SLC6A2: variants seen among roughly 807,000 people sequenced by gnomAD.
SLC6A2 encodes the protein solute carrier family 6 member 2.
Under a neutral mutation model 71.7 loss-of-function variants are expected in SLC6A2, and 26 were observed. The ratio of observed to expected loss-of-function variants is 0.36; its 90% CI spans 0.27 to 0.50. SLC6A2 has a LOEUF of 0.50. SLC6A2 is among the 20% of genes least tolerant of loss of function. SLC6A2 has a pLI of 0.96. For synonymous variants in SLC6A2, 363 were observed against 337.9 expected (o/e 1.07, Z -0.82); for missense variants, 581 against 803.9 (o/e 0.72, Z 3.35).
intron 4 of SLC6A2, among the ~76,000 whole-genome samples, chr16:55,675,468 T>C (rs902559723): frequency 3.9e-5 from 6 of 152,194 alleles, no homozygotes; most frequent in Non-Finnish European, 8.8e-5. Flanking sequence ...ATTTTACCTC[T>C]GGAAAGTAAA....
At chr16:55,675,952 T>A (rs559946251) in intron 4 of SLC6A2, among the ~76,000 whole-genome samples, 2 of 152,114 alleles carry the variant, frequency 1.3e-5, no homozygotes, top group South Asian at 4.2e-4. Flanking sequence ...GGGATTTAGT[T>A]TGGTTGAAAG....
At chr16:55,661,291 G>C (rs1964602669) in intron 2 of SLC6A2, among the ~76,000 whole-genome samples, 1 of 152,188 alleles carries the variant, frequency 6.6e-6, no homozygotes, top group Non-Finnish European at 1.5e-5. Flanking sequence ...GTGCATTGTA[G>C]AGAAATATAG....
intron 4 of SLC6A2, among the ~76,000 whole-genome samples, 168 bp from the exon 5 acceptor site, chr16:55,684,975 G>A (rs1965402004): frequency 6.6e-6 from 1 of 152,240 alleles, no homozygotes; most frequent in Non-Finnish European, 1.5e-5. Context: ...TGGCTGATCA[G>A]GTCAGGCCCA....
intron 4 of SLC6A2, among the ~76,000 whole-genome samples, chr16:55,682,553 G>T (rs1306645871): frequency 6.6e-6 from 1 of 152,196 alleles, no homozygotes; most frequent in African/African-American, 2.4e-5. Context: ...AGGTCTAACT[G>T]CCAGTTCTGG....
rs187701533 is a variant in SLC6A2, at chr16:55,701,561, C to T, written c.1759-302C>T. Among the ~76,000 whole-genome samples the T allele has an allele frequency of 7.4e-4, 113 of 152,254 alleles. 1 individual carries two copies. In the South Asian group the frequency reaches 9.1e-3, roughly 12 times the overall value. ...TGTGTGTGTTTGTTCATTGCCAGTC[C>T]CTTACATGGGCGGTAAGCTCCCCCA... On this transcript the variant is annotated intron_variant, in intron 13 of 14. Transcript: ENST00000568943.
At chr16:55,685,859 G>A (rs1041964553) in intron 5 of SLC6A2, among the ~76,000 whole-genome samples, 5 of 152,154 alleles carry the variant, frequency 3.3e-5, no homozygotes, top group South Asian at 2.1e-4. Context: ...GGGCCAGTCC[G>A]GAGTTGGCAT....
In SLC6A2 at chr16:55,656,399, A is replaced by G. The variant is rs534322664; in HGVS notation, c.-52+230A>G. The G allele has an allele frequency of 2.4e-5, 12 of 510,282 alleles. No homozygotes were observed. The highest frequency in any genetic ancestry group is 2.3e-4 in the South Asian group (11 of 47,444). 31.6% of individuals were successfully genotyped at this position (510,282 alleles called of 1,614,324 possible). On this transcript the variant is annotated intron_variant, in intron 1 of 14. Transcript: ENST00000568943. The surrounding 1 kb of genome is among the most constrained non-coding windows in gnomAD (Gnocchi z 4.5). Reference sequence around the variant, plus strand: ...TGGGGCAGGCGAGAGTGGGTGAACGAGGAAAAGTGCTGCAGGGTCTTCAGC... The same window carrying G: ...TGGGGCAGGCGAGAGTGGGTGAACGGGGAAAAGTGCTGCAGGGTCTTCAGC...
chr16:55,685,107 CA>C (rs1965407203), intron 4 of SLC6A2, 35 bp from the exon 5 acceptor site: 1 of 1,612,702 alleles, frequency 6.2e-7, no homozygotes, highest in African/African-American at 1.3e-5. Context: ...TCCCTGACGA[CA>C]TTTACCCTGG....
Position 55,695,231 on chromosome 16 carries a change from G to C in SLC6A2, c.1023-47G>C, listed in dbSNP as rs11568339. On this transcript the variant is annotated intron_variant, in intron 7 of 14. Coordinates refer to ENST00000568943, the MANE Select transcript of SLC6A2 (RefSeq NM_001172501.3). Reference sequence around the variant, plus strand: ...AGCCAGTCCAGCAGTCAAAACACAGGGTTGAGGGTGTCAAGGGACTTGACC... The same window carrying C: ...AGCCAGTCCAGCAGTCAAAACACAGCGTTGAGGGTGTCAAGGGACTTGACC... The C allele has an allele frequency of 2.3e-3, 3,750 of 1,612,742 alleles. 12 individuals are homozygous for C. Among genetic ancestry groups the C allele is most frequent in the Middle Eastern group, 4.3e-3 (26 of 6,046 alleles).
intron 8 of SLC6A2, 93 bp from the exon 9 acceptor site, chr16:55,696,132 G>A: frequency 2.5e-6 from 2 of 807,760 alleles, no homozygotes; most frequent in Non-Finnish European, 4.5e-6. Flanking sequence ...GCCCACACAT[G>A]ACCGAACAAT....
At position 55,696,208 on chromosome 16, in the gene SLC6A2, C is replaced by T; in HGVS notation, c.1148-17C>T. 6.7e-7 allele frequency: 1 copy of T among 1,483,850 alleles called. No individual in the cohort carries two copies. The allele number at this position is 1,483,850 out of a possible 1,614,324, so 91.9% of individuals were successfully genotyped here. A position where few individuals can be genotyped will look rare whatever the true frequency, so the allele number is the denominator to read the frequency against. On this transcript the variant is annotated splice_polypyrimidine_tract_variant and intron_variant, in intron 8 of 14. Coordinates refer to ENST00000568943, the MANE Select transcript of SLC6A2 (RefSeq NM_001172501.3). ...AATGGTTTCAGCCATTGATGAGGTCCTTGATGTTTCTTACAGGAGCTGGCC... is the reference window on the plus strand; with the variant it reads ...AATGGTTTCAGCCATTGATGAGGTCTTTGATGTTTCTTACAGGAGCTGGCC...
chr16:55,704,285 A>T lies in SLC6A2; in HGVS notation c.*1939A>T, dbSNP rs1441002244. ...TATCTCCCCATTTCCCAGGTGAGAG[A>T]ACCAAGGCCCAGCATTTTAGTCACT... On this transcript the variant is annotated 3_prime_UTR_variant, in exon 15 of 15. Transcript: ENST00000568943. 1 of 152,164 alleles carries T rather than the reference A, an allele frequency of 6.6e-6. No homozygotes were observed. The highest frequency in any genetic ancestry group is 1.5e-5 in the Non-Finnish European group (1 of 68,030). The allele number at this position is 152,164 out of a possible 1,614,324, so 9.4% of individuals were successfully genotyped here.
chr16:55,687,604 T>C (rs930278792), intron 5 of SLC6A2, among the ~76,000 whole-genome samples: 5 of 152,214 alleles, frequency 3.3e-5, no homozygotes, highest in Admixed American at 2.6e-4. Flanking sequence ...AGAGTTCTCC[T>C]GGCCTCTGCA....
At chr16:55,689,456 A>G (rs921330194) in intron 5 of SLC6A2, among the ~76,000 whole-genome samples, 2 of 152,246 alleles carry the variant, frequency 1.3e-5, no homozygotes, top group Non-Finnish European at 2.9e-5. Context: ...TGGCCAATGC[A>G]GGACCACCTC....
In SLC6A2 at chr16:55,704,922, A is replaced by G; in HGVS notation, c.*2576A>G. 1 of 245,074 alleles carries G rather than the reference A, an allele frequency of 4.1e-6. No homozygotes were observed. The highest frequency in any genetic ancestry group is 8.1e-5 in the East Asian group (1 of 12,398). The allele number at this position is 245,074 out of a possible 1,614,324, so 15.2% of individuals were successfully genotyped here. A position where few individuals can be genotyped will look rare whatever the true frequency, so the allele number is the denominator to read the frequency against. On this transcript the variant is annotated 3_prime_UTR_variant, in exon 15 of 15. Coordinates refer to ENST00000568943, the MANE Select transcript of SLC6A2 (RefSeq NM_001172501.3). ...AGAAAGCCCTTGGAAGTTCTCGGGG[A>G]GGTGCTTGGAGATCATTTGGGTTTA... is the stretch of plus-strand genomic sequence containing the variant.
At chr16:55,697,842 C>A (rs1965846692) in intron 9 of SLC6A2, 55 bp from the exon 10 acceptor site, 1 of 1,607,242 alleles carries the variant, frequency 6.2e-7, no homozygotes, top group Non-Finnish European at 8.5e-7. Flanking sequence ...GGGCCTGAGA[C>A]TGAGGTCCAG....
At chr16:55,688,354 G>A (rs1567449012) in intron 5 of SLC6A2, among the ~76,000 whole-genome samples, 1 of 152,178 alleles carries the variant, frequency 6.6e-6, no homozygotes, top group Non-Finnish European at 1.5e-5. Context: ...ATAATGAACA[G>A]CATCATTCAC....
chr16:55,662,037 A>G (rs182816880), intron 2 of SLC6A2, among the ~76,000 whole-genome samples: 8 of 152,306 alleles, frequency 5.3e-5, no homozygotes, highest in South Asian at 4.1e-4. Flanking sequence ...CAGATGCACA[A>G]TGAGCCAGCC....
chr16:55,673,071 ATTTAGTTGCCATGTTTC>A (rs1964973795), intron 4 of SLC6A2, among the ~76,000 whole-genome samples: 1 of 152,184 alleles, frequency 6.6e-6, no homozygotes, highest in Non-Finnish European at 1.5e-5. Flanking sequence ...CTTTTCAGGT[ATTTAGTTGCCATGTTTC>A]TTTAATCTTC....
Sources: allele counts gnomAD v4.1 joint callset (sites outside exome capture counted in the v4.1 genomes callset), GRCh38; gene constraint gnomAD v4.1.1; non-coding constraint Gnocchi (gnomAD v3.1); transcripts MANE v1.5; gene names NCBI Gene and HGNC (gene_info 2026-07-23, HGNC 2026-07-21).